The following ZFAT variants were observed in gnomAD, a reference collection of about 807,000 sequenced individuals.
ZFAT encodes the protein zinc finger and AT-hook domain containing, also known as zinc finger protein ZFAT.
Under a neutral mutation model 117.7 loss-of-function variants are expected in ZFAT, and 64 were observed. The ratio of observed to expected loss-of-function variants is 0.54; its 90% CI spans 0.44 to 0.67. The LOEUF (loss-of-function observed/expected upper bound fraction) is 0.67. ZFAT is among the 30% of genes least tolerant of loss of function. The pLI is 0.00. For missense variants in ZFAT, 1,433 were observed against 1,584.5 expected (o/e 0.90, Z 1.62); for synonymous variants, 679 against 615.0 (o/e 1.10, Z -1.54).
chr8:134,510,100 C>A (rs867364735), intron 14 of ZFAT: 1 of 461,058 alleles, frequency 2.2e-6, no homozygotes, highest in Non-Finnish European at 4.3e-6. Flanking sequence ...TGGCTGCCCT[C>A]GAAGCTGAAC....
chr8:134,531,216 G>A (rs766210094), intron 12 of ZFAT, among the ~76,000 whole-genome samples: 3 of 152,150 alleles, frequency 2.0e-5, no homozygotes, highest in Non-Finnish European at 4.4e-5. Flanking sequence ...GGAAGCATAG[G>A]GCAATGATGG....
intron 3 of ZFAT, among the ~76,000 whole-genome samples, chr8:134,622,241 G>A (rs536341664): frequency 1.2e-4 from 19 of 152,324 alleles, no homozygotes; most frequent in African/African-American, 3.6e-4. Context: ...AGCTTTGTGC[G>A]TTTTCCCCAG....
At chr8:134,783,822 A>AT in the ZFAT span, 1 of 152,234 alleles carries the variant, frequency 6.6e-6, no homozygotes, top group Non-Finnish European at 1.5e-5. Flanking sequence ...CAGGAGATGC[A>AT]TGCACAGCAC....
chr8:134,715,973 G>C (rs185351780), upstream of ZFAT, among the ~76,000 whole-genome samples: 1 of 152,122 alleles, frequency 6.6e-6, no homozygotes, highest in East Asian at 1.9e-4. Context: ...TCAAAATAAT[G>C]GATCTTGGCT....
At chr8:134,659,493 C>T (rs11985072) in intron 1 of ZFAT, among the ~76,000 whole-genome samples, 20,684 of 152,166 alleles carry the variant, frequency 0.14, 1,474 homozygotes, top group Non-Finnish European at 0.16. Context: ...CTAAAGATAG[C>T]GCATGCCTGA....
the ZFAT span, among the ~76,000 whole-genome samples, chr8:134,751,537 A>G: frequency 6.6e-6 from 1 of 152,232 alleles, no homozygotes; most frequent in African/African-American, 2.4e-5. Context: ...AGAAGAGAAC[A>G]CTACATCAGA....
chr8:134,654,819 AG>A (rs1831492198), intron 2 of ZFAT, among the ~76,000 whole-genome samples: 1 of 152,224 alleles, frequency 6.6e-6, no homozygotes, highest in Non-Finnish European at 1.5e-5. Context: ...TGAGGCTAAG[AG>A]CTGAACAGCC....
chr8:134,806,110 A>G, the ZFAT span, among the ~76,000 whole-genome samples: 1 of 152,264 alleles, frequency 6.6e-6, no homozygotes, highest in South Asian at 2.1e-4. Context: ...GAACATACAT[A>G]CATACATGAG....
chr8:134,626,554 CA>C (rs1358197479), intron 3 of ZFAT, among the ~76,000 whole-genome samples: 103 of 152,364 alleles, frequency 6.8e-4, no homozygotes, highest in African/African-American at 2.4e-3. Context: ...CTGGGGAGCC[CA>C]GCTGGGGCAG....
chr8:134,707,077 G>A (rs1834171217), intron 1 of ZFAT, among the ~76,000 whole-genome samples: 1 of 151,930 alleles, frequency 6.6e-6, no homozygotes, highest in Non-Finnish European at 1.5e-5. Context: ...CAAACTCAGT[G>A]CTCACCTGGT....
chr8:134,492,627 G>A (rs889801441), intron 15 of ZFAT, among the ~76,000 whole-genome samples: 6 of 152,300 alleles, frequency 3.9e-5, no homozygotes, highest in African/African-American at 1.4e-4. Context: ...TCAAAAGGGG[G>A]ACTGGCAGGA....
rs528048989 is a variant in ZFAT at position 134,658,130 on chromosome 8, G to T, written c.20-393C>A. On this transcript the variant is annotated intron_variant, in intron 1 of 15. Coordinates refer to ENST00000377838, the MANE Select transcript of ZFAT (RefSeq NM_020863.4). Reference sequence around the variant, plus strand: ...AGGCGGGCGGAGCACAAGGTCAGGAGATCGAGACCATCCTGGCTAACATGG... The same window carrying T: ...AGGCGGGCGGAGCACAAGGTCAGGATATCGAGACCATCCTGGCTAACATGG... Among the ~76,000 whole-genome samples the T allele has an allele frequency of 6.6e-5, 10 of 152,330 alleles. No individual in the cohort carries two copies. In the South Asian group the frequency reaches 1.7e-3, roughly 25 times the overall value.
intron 10 of ZFAT, among the ~76,000 whole-genome samples, chr8:134,579,818 G>A (rs1296656982): frequency 6.6e-6 from 1 of 152,076 alleles, no homozygotes; most frequent in Non-Finnish European, 1.5e-5. Flanking sequence ...GGGTATGGTG[G>A]CACATGCCTG....
the ZFAT span, among the ~76,000 whole-genome samples, chr8:134,736,917 A>T: frequency 6.6e-6 from 1 of 152,124 alleles, no homozygotes; most frequent in Non-Finnish European, 1.5e-5. Context: ...GATTGTATAT[A>T]GAGGTTCTGC....
In ZFAT at chr8:134,602,639, CT is replaced by C; in HGVS notation, c.1079del (p.Lys360ArgfsTer34). The part of the protein sequence containing the change: ...KKIKQHCRFC[K>X]KKYSDVKNLI... ...GGTTCTTGACGTCAGAGTACTTCTT[CT>C]TGCAGAAGCGGCAGTGCTGCTTGAT... On this transcript the variant is annotated frameshift_variant, in exon 6 of 16. Coordinates refer to ENST00000377838, the MANE Select transcript of ZFAT (RefSeq NM_020863.4). LOFTEE classifies it high-confidence loss of function. 1 of 1,614,214 alleles carries C rather than the reference CT, an allele frequency of 6.2e-7. No individual in the cohort carries two copies.
chr8:134,610,856 CCACAGGCCAT>C (rs1296828666), intron 3 of ZFAT, among the ~76,000 whole-genome samples: 1 of 151,526 alleles, frequency 6.6e-6, no homozygotes, highest in Admixed American at 6.6e-5. Context: ...CTGCTCCCCG[CCACAGGCCAT>C]CACCTAGGCC....
At chr8:134,560,856 T>C (rs1021240136) in intron 11 of ZFAT, among the ~76,000 whole-genome samples, 1 of 152,260 alleles carries the variant, frequency 6.6e-6, no homozygotes, top group East Asian at 1.9e-4. Flanking sequence ...AAGAGTCGAA[T>C]AGCTAGATGG....
At chr8:134,488,915 G>C (rs1375453799) in intron 15 of ZFAT, among the ~76,000 whole-genome samples, 1 of 140,742 alleles carries the variant, frequency 7.1e-6, no homozygotes, top group Non-Finnish European at 1.5e-5. Flanking sequence ...CCAAGGGCTG[G>C]ACAGATGCAA....
At chr8:134,814,758 C>G in the ZFAT span, among the ~76,000 whole-genome samples, 26 of 152,176 alleles carry the variant, frequency 1.7e-4, no homozygotes, top group Non-Finnish European at 3.2e-4. Context: ...TTGTCTGTTT[C>G]CACACTAAGG....
Sources: allele counts gnomAD v4.1 joint callset (sites outside exome capture counted in the v4.1 genomes callset), GRCh38; gene constraint gnomAD v4.1.1; transcripts MANE v1.5; gene names NCBI Gene and HGNC (gene_info 2026-07-23, HGNC 2026-07-21).